Variants in AGAP1 observed in about 807,000 individuals in gnomAD.
The protein encoded by AGAP1 is arf-GAP with GTPase, ANK repeat and PH domain-containing protein 1.
A neutral mutation model predicts 105.3 loss-of-function variants in AGAP1; 29 were observed. That is an observed-to-expected ratio of 0.28 (90% CI 0.21 to 0.38). The LOEUF is 0.38. Ranked by LOEUF, AGAP1 falls within the 10% of genes least tolerant of loss-of-function variation. The pLI is 1.00. For synonymous variants in AGAP1, 509 were observed against 485.9 expected (o/e 1.05, Z -0.63); for missense variants, 998 against 1,165.1 (o/e 0.86, Z 2.09).
intron 11 of AGAP1, among the ~76,000 whole-genome samples, chr2:235,922,502 T>TA (rs1488058002): frequency 2.1e-4 from 32 of 152,352 alleles, no homozygotes; most frequent in Non-Finnish European, 4.0e-4. Flanking sequence ...AGTTAAGTCC[T>TA]ATTTGTAAAG....
intron 11 of AGAP1, among the ~76,000 whole-genome samples, chr2:235,915,067 C>G (rs1446282277): frequency 3.3e-5 from 5 of 152,148 alleles, no homozygotes; most frequent in Non-Finnish European, 7.3e-5. Flanking sequence ...CACAGCCCCC[C>G]ACACGGTAGG....
chr2:235,788,012 A>G lies in AGAP1; in HGVS notation c.674-9747A>G, dbSNP rs1454821849. 6.6e-6 allele frequency among the ~76,000 whole-genome samples: 1 copy of G among 152,200 alleles called. No individual in the cohort carries two copies. Among genetic ancestry groups the G allele is most frequent in the Non-Finnish European group, 1.5e-5 (1 of 68,032 alleles). ...GGGACCAAGAGTTTGACCAAGTATT[A>G]TACATTCTGGGACCTTCCTAGGCCA... On this transcript the variant is annotated intron_variant, in intron 6 of 17. Transcript: ENST00000304032. The surrounding 1 kb of genome is among the most constrained non-coding windows in gnomAD (Gnocchi z 6.0).
At chr2:236,075,982 C>G (rs2058627432) in intron 16 of AGAP1, among the ~76,000 whole-genome samples, 1 of 152,188 alleles carries the variant, frequency 6.6e-6, no homozygotes, top group Non-Finnish European at 1.5e-5. Flanking sequence ...CGTGGGTCAC[C>G]CAGGCGGAGG....
intron 1 of AGAP1, among the ~76,000 whole-genome samples, chr2:235,603,276 A>G (rs1945798450): frequency 1.3e-5 from 2 of 152,108 alleles, no homozygotes; most frequent in Admixed American, 6.5e-5. Context: ...CATGATTGTG[A>G]GGCCTCCCCA....
At chr2:235,924,178 G>A (rs911228147) in intron 11 of AGAP1, among the ~76,000 whole-genome samples, 24 of 152,110 alleles carry the variant, frequency 1.6e-4, no homozygotes, top group African/African-American at 5.6e-4. Context: ...AGTATCTTAA[G>A]GTAGTATCTT....
At chr2:235,846,436 TCTG>T (rs1961502547) in intron 9 of AGAP1, among the ~76,000 whole-genome samples, 1 of 150,998 alleles carries the variant, frequency 6.6e-6, no homozygotes, top group African/African-American at 2.4e-5. Flanking sequence ...AAGCGATTAT[TCTG>T]CCTCAGCCTC....
In AGAP1 at chr2:236,131,072, T is replaced by C. The variant is rs2060076349; in HGVS notation, c.*6950T>C. On this transcript the variant is annotated 3_prime_UTR_variant, in exon 18 of 18. Coordinates refer to ENST00000304032, the MANE Select transcript of AGAP1 (RefSeq NM_001037131.3). The surrounding 1 kb of genome is among the most constrained non-coding windows in gnomAD (Gnocchi z 5.9). ...GGGGAGAGGGACCAGCACTGTAACGTTAGAAATAATTCCTTCTTGCAGACT... is the reference window on the plus strand; with the variant it reads ...GGGGAGAGGGACCAGCACTGTAACGCTAGAAATAATTCCTTCTTGCAGACT... 6.6e-6 allele frequency: 1 copy of C among 152,188 alleles called. No individual in the cohort carries two copies. Among genetic ancestry groups the C allele is most frequent in the South Asian group, 2.1e-4 (1 of 4,832 alleles). 9.4% of individuals were successfully genotyped at this position (152,188 alleles called of 1,614,324 possible). A position where few individuals can be genotyped will look rare whatever the true frequency, so the allele number is the denominator to read the frequency against.
chr2:235,783,738 G>A (rs574299960), intron 6 of AGAP1, among the ~76,000 whole-genome samples: 41 of 152,268 alleles, frequency 2.7e-4, no homozygotes, highest in African/African-American at 9.1e-4. Flanking sequence ...ATTGGTTGGG[G>A]TTGGGGGTGG....
In AGAP1 at chr2:235,965,044, G is replaced by A. The variant is rs756480215; in HGVS notation, c.1484-3418G>A. On this transcript the variant is annotated intron_variant, in intron 12 of 17. Coordinates refer to ENST00000304032, the MANE Select transcript of AGAP1 (RefSeq NM_001037131.3). This position sits in a 1 kb window ranked among gnomAD's most constrained non-coding sequence, Gnocchi z 5.8. ...AACTGTCATAGTGCAGGCTCAGGGG[G>A]TCTCAGGACTGCTGGCTACACCTCG... Among the ~76,000 whole-genome samples the A allele has an allele frequency of 3.3e-5, 5 of 152,214 alleles. No homozygotes were observed. Among genetic ancestry groups the A allele is most frequent in the Non-Finnish European group, 5.9e-5 (4 of 68,038 alleles).
intron 1 of AGAP1, among the ~76,000 whole-genome samples, chr2:235,504,660 T>G (rs1289842574): frequency 6.6e-6 from 1 of 152,150 alleles, no homozygotes; most frequent in Non-Finnish European, 1.5e-5. Context: ...TCTCTGTGGG[T>G]TGGACGTAGC....
In AGAP1 at chr2:235,648,098, C is replaced by G. The variant is rs575684982; in HGVS notation, c.164-61081C>G. On this transcript the variant is annotated intron_variant, in intron 1 of 17. Coordinates refer to ENST00000304032, the MANE Select transcript of AGAP1 (RefSeq NM_001037131.3). ...TAGGCTGGCGTTGAAAAGTTTTTAG[C>G]TTTAGCTAATTACATTGTGGGAGAG... Among the ~76,000 whole-genome samples, 4 of 152,324 alleles carry G rather than the reference C, an allele frequency of 2.6e-5. No individual in the cohort carries two copies. The South Asian group carries it at 8.3e-4, about 32-fold the overall frequency.
Position 235,997,842 on chromosome 2 carries a change from C to G in AGAP1, c.1645+29219C>G, listed in dbSNP as rs375418964. 3.2e-3 allele frequency among the ~76,000 whole-genome samples: 494 copies of G among 152,156 alleles called. 24 individuals carry two copies. In the South Asian group the frequency reaches 0.088, roughly 27 times the overall value. ...AGGGATTGTATTTTTAAGAGGACTT[C>G]CCAGTACATTTGTTTATGGGGTATT... On this transcript the variant is annotated intron_variant, in intron 13 of 17. Transcript: ENST00000304032.
chr2:236,086,794 C>T (rs1198972386), intron 16 of AGAP1, among the ~76,000 whole-genome samples: 4 of 152,116 alleles, frequency 2.6e-5, no homozygotes, highest in South Asian at 2.1e-4. Context: ...ACTTATTCAT[C>T]GGCCTTATTT....
chr2:235,562,706 C>G (rs1011137288), intron 1 of AGAP1, among the ~76,000 whole-genome samples: 6 of 152,170 alleles, frequency 3.9e-5, no homozygotes. Context: ...TGGCTCCGGT[C>G]CTCTGCAGCT....
rs937888411 is a variant in AGAP1 at position 236,105,228 on chromosome 2, A to G, written c.2115-14964A>G. Among the ~76,000 whole-genome samples, 2 of 152,124 alleles carry G rather than the reference A, an allele frequency of 1.3e-5. No homozygotes were observed. The highest frequency in any genetic ancestry group is 4.8e-5 in the African/African-American group (2 of 41,424). On this transcript the variant is annotated intron_variant, in intron 16 of 17. Coordinates refer to ENST00000304032, the MANE Select transcript of AGAP1 (RefSeq NM_001037131.3). This position sits in a 1 kb window ranked among gnomAD's most constrained non-coding sequence, Gnocchi z 4.2. ...AAGTGGTGAATTGGTCTGAATGGAAAAATCCAAAACATCCCACTTTAAGAA... is the reference window on the plus strand; with the variant it reads ...AAGTGGTGAATTGGTCTGAATGGAAGAATCCAAAACATCCCACTTTAAGAA...
chr2:236,040,470 C>A lies in AGAP1; in HGVS notation c.1801-281C>A. 1 of 513,854 alleles carries A rather than the reference C, an allele frequency of 1.9e-6. No individual in the cohort carries two copies. The highest frequency in any genetic ancestry group is 3.5e-6 in the Non-Finnish European group (1 of 286,314). 31.8% of individuals were successfully genotyped at this position (513,854 alleles called of 1,614,324 possible). A position where few individuals can be genotyped will look rare whatever the true frequency, so the allele number is the denominator to read the frequency against. ...CAGGTTACCATGGTCCATGCGTATT[C>A]ACAGATGATCCAGAACTCTCCTCTT... is the stretch of plus-strand genomic sequence containing the variant. On this transcript the variant is annotated intron_variant, in intron 14 of 17. Transcript: ENST00000304032. This position sits in a 1 kb window ranked among gnomAD's most constrained non-coding sequence, Gnocchi z 5.6.
At position 236,025,908 on chromosome 2, in the gene AGAP1, GTGGATGGATGGA is replaced by G. The variant is rs1553548831; in HGVS notation, c.1646-10626_1646-10615del. On this transcript the variant is annotated intron_variant, in intron 13 of 17. Coordinates refer to ENST00000304032, the MANE Select transcript of AGAP1 (RefSeq NM_001037131.3). ...CAGAGGGAGACTCCTTCTCGGGTGGGTGGATGGATGGATGGATGGATGGATGGATGGATGGAT... is the reference window on the plus strand; with the variant it reads ...CAGAGGGAGACTCCTTCTCGGGTGGGTGGATGGATGGATGGATGGATGGAT... Among the ~76,000 whole-genome samples, 58 of 100,370 alleles carry G rather than the reference GTGGATGGATGGA, an allele frequency of 5.8e-4. 1 individual carries two copies. Among genetic ancestry groups the G allele is most frequent in the Non-Finnish European group, 9.7e-4 (50 of 51,772 alleles). 65.8% of individuals were successfully genotyped at this position (100,370 alleles called of 152,430 possible).
At chr2:235,546,696 G>A (rs2316876) in intron 1 of AGAP1, among the ~76,000 whole-genome samples, 131,149 of 152,100 alleles carry the variant, frequency 0.86, 57,001 homozygotes, top group East Asian at 0.99. Context: ...TCTTCTCACC[G>A]GCCGGTTTGG....
chr2:235,586,971 A>G lies in AGAP1; in HGVS notation c.163+92122A>G, dbSNP rs1312707295. Among the ~76,000 whole-genome samples, 1 of 152,224 alleles carries G rather than the reference A, an allele frequency of 6.6e-6. No individual in the cohort carries two copies. The highest frequency in any genetic ancestry group is 1.5e-5 in the Non-Finnish European group (1 of 68,038). On this transcript the variant is annotated intron_variant, in intron 1 of 17. Coordinates refer to ENST00000304032, the MANE Select transcript of AGAP1 (RefSeq NM_001037131.3). The surrounding 1 kb of genome is among the most constrained non-coding windows in gnomAD (Gnocchi z 4.2). ...GAATATTACTAGGGTGGCAGTTTTG[A>G]GTCCCATGAAAACAAACACATTTAC...
Sources: allele counts gnomAD v4.1 joint callset (sites outside exome capture counted in the v4.1 genomes callset), GRCh38; gene constraint gnomAD v4.1.1; non-coding constraint Gnocchi (gnomAD v3.1); transcripts MANE v1.5; gene names NCBI Gene and HGNC (gene_info 2026-07-23, HGNC 2026-07-21).